Variants in ATP10D observed in about 807,000 individuals in gnomAD.
ATP10D encodes phospholipid-transporting ATPase VD.
A neutral mutation model predicts 144.8 loss-of-function variants in ATP10D; 89 were observed. That is an observed-to-expected ratio of 0.61 (90% CI 0.52 to 0.73). The LOEUF (loss-of-function observed/expected upper bound fraction) is 0.73. Ranked by LOEUF, ATP10D falls within the 30% of genes least tolerant of loss-of-function variation. ATP10D has a pLI of 0.00. For synonymous variants in ATP10D, 571 were observed against 615.1 expected, an observed-to-expected ratio of 0.93 and a Z score of 1.06; for missense variants, 1,603 against 1,714.8, an observed-to-expected ratio of 0.93 and a Z score of 1.15.
intron 22 of ATP10D, among the ~76,000 whole-genome samples, chr4:47,587,837 G>A (rs7692677): frequency 0.54 from 81,636 of 152,002 alleles, 23,063 homozygotes; most frequent in African/African-American, 0.7. Flanking sequence ...TGAGTTTTGG[G>A]GGGAATAAAC....
At position 47,522,980 on chromosome 4, in the gene ATP10D, C is replaced by CT. The variant is rs538424254; in HGVS notation, c.486-20dup. 5 of 1,380,648 alleles carry CT rather than the reference C, an allele frequency of 3.6e-6. No homozygotes were observed. In the African/African-American group the frequency reaches 4.4e-5, roughly 12 times the overall value. 85.5% of individuals were successfully genotyped at this position (1,380,648 alleles called of 1,614,324 possible). A position where few individuals can be genotyped will look rare whatever the true frequency, so the allele number is the denominator to read the frequency against. ...TTGTATGTATTTTTCACTTGATATT[C>CT]TTTTTTTTTTTTAACTTTTTTTTAA... On this transcript the variant is annotated intron_variant, in intron 3 of 22. Transcript: ENST00000273859.
intron 1 of ATP10D, among the ~76,000 whole-genome samples, chr4:47,502,819 A>C (rs1715780922): frequency 6.6e-6 from 1 of 152,104 alleles, no homozygotes; most frequent in Non-Finnish European, 1.5e-5. Flanking sequence ...GAAACAATGC[A>C]TCTAGATACC....
chr4:47,553,966 G>A (rs1718848501), intron 10 of ATP10D, among the ~76,000 whole-genome samples: 1 of 152,184 alleles, frequency 6.6e-6, no homozygotes, highest in Admixed American at 6.5e-5. Flanking sequence ...TGACTCAGCT[G>A]AAAAATTTCT....
intron 9 of ATP10D, among the ~76,000 whole-genome samples, chr4:47,541,320 A>T (rs1218991107): frequency 6.6e-6 from 1 of 152,226 alleles, no homozygotes; most frequent in East Asian, 1.9e-4. Context: ...AACATAAATT[A>T]TCATGTTCAT....
intron 5 of ATP10D, among the ~76,000 whole-genome samples, chr4:47,534,190 C>T (rs971564999): frequency 2.6e-5 from 4 of 152,088 alleles, no homozygotes; most frequent in Non-Finnish European, 5.9e-5. Context: ...TCCCCTCCAT[C>T]GTTCATTTTC....
Position 47,536,484 on chromosome 4 carries a change from G to A in ATP10D, c.1063G>A (p.Val355Ile), listed in dbSNP as rs368872869. The change falls in exon 8 of 23, where the codon GTT becomes ATT. Residue 355 changes from valine (V) to isoleucine (I), a missense_variant. Physicochemically the swap from Val to Ile is conservative, Grantham distance 29. Coordinates refer to ENST00000273859, the MANE Select transcript of ATP10D (RefSeq NM_020453.4). ...SRYEKMHFFN[V>I]PEPDGHIISP... Reference sequence around the variant, plus strand: ...GTATGAAAAGATGCATTTTTTCAATGTTCCCGAGCCTGATGGACATATCAT... The same window carrying A: ...GTATGAAAAGATGCATTTTTTCAATATTCCCGAGCCTGATGGACATATCAT... The A allele has an allele frequency of 3.7e-6, 6 of 1,613,364 alleles. No homozygotes were observed. The highest frequency in any genetic ancestry group is 3.3e-5 in the Admixed American group (2 of 59,968).
intron 1 of ATP10D, among the ~76,000 whole-genome samples, chr4:47,511,352 A>G (rs1219655185): frequency 6.6e-6 from 1 of 152,076 alleles, no homozygotes; most frequent in Non-Finnish European, 1.5e-5. Flanking sequence ...TTCTCTCATG[A>G]TAAGACGGGC....
chr4:47,490,689 G>A (rs1311202771), intron 1 of ATP10D, among the ~76,000 whole-genome samples: 1 of 152,234 alleles, frequency 6.6e-6, no homozygotes, highest in Non-Finnish European at 1.5e-5. Flanking sequence ...GGGTGGTATA[G>A]GGCAAGTGAA....
In ATP10D at chr4:47,554,824, A is replaced by G; in HGVS notation, c.1734A>G (p.Pro578=). The change falls in exon 11 of 23, where the codon CCA becomes CCG. Residue 578 remains proline (P), a synonymous_variant. Coordinates refer to ENST00000273859, the MANE Select transcript of ATP10D (RefSeq NM_020453.4). Reference sequence around the variant, plus strand: ...TAGATGAGACCATCCAAAATCCACCAATGGAAACTTTGTACATTATCGACT... The same window carrying G: ...TAGATGAGACCATCCAAAATCCACCGATGGAAACTTTGTACATTATCGACT... The part of the protein sequence containing the change: ...MPLDETIQNP[P]METLYIIDFF... The G allele has an allele frequency of 2.5e-6, 4 of 1,614,134 alleles. No individual in the cohort carries two copies. Among genetic ancestry groups the G allele is most frequent in the Non-Finnish European group, 3.4e-6 (4 of 1,179,998 alleles).
At chr4:47,577,003 G>T in intron 19 of ATP10D, 30 bp downstream of exon 19, 1 of 1,593,528 alleles carries the variant, frequency 6.3e-7, no homozygotes, top group Non-Finnish European at 8.6e-7. Flanking sequence ...TGCTTGGATG[G>T]ATGCATATCC....
rs567024825 is a variant in ATP10D at position 47,530,371 on chromosome 4, G to T, written c.776+4729G>T. On this transcript the variant is annotated intron_variant, in intron 5 of 22. Coordinates refer to ENST00000273859, the MANE Select transcript of ATP10D (RefSeq NM_020453.4). ...GGATTTTTATCATGAAAGGATATTG[G>T]TTTTTATCGAGTGTTTTTTCTACAT... Among the ~76,000 whole-genome samples the T allele has an allele frequency of 2.0e-5, 3 of 152,172 alleles. No homozygotes were observed. In the East Asian group the frequency reaches 5.8e-4, roughly 29 times the overall value.
intron 4 of ATP10D, among the ~76,000 whole-genome samples, chr4:47,525,010 A>T (rs367672598): frequency 1.3e-5 from 2 of 152,198 alleles, no homozygotes; most frequent in Non-Finnish European, 2.9e-5. Flanking sequence ...TAAAGGAGCT[A>T]TGTCCTACAA....
intron 5 of ATP10D, among the ~76,000 whole-genome samples, chr4:47,525,905 T>C (rs572477139): frequency 6.6e-6 from 1 of 152,346 alleles, no homozygotes; most frequent in African/African-American, 2.4e-5. Flanking sequence ...TTGGGGTCCT[T>C]ACCTAATTTC....
At chr4:47,509,495 G>T (rs1716199341) in intron 1 of ATP10D, among the ~76,000 whole-genome samples, 1 of 152,160 alleles carries the variant, frequency 6.6e-6, no homozygotes, top group South Asian at 2.1e-4. Flanking sequence ...TTGTGGAATG[G>T]CTAGCTCAAG....
intron 1 of ATP10D, chr4:47,491,614 C>T (rs1248050125): frequency 3.2e-6 from 1 of 311,868 alleles, no homozygotes; most frequent in Non-Finnish European, 6.0e-6. Flanking sequence ...TTGGTCCCAA[C>T]CTAGATTTTC....
chr4:47,509,532 T>G (rs1001135354), intron 1 of ATP10D, among the ~76,000 whole-genome samples: 3 of 152,238 alleles, frequency 2.0e-5, no homozygotes, highest in African/African-American at 4.8e-5. Context: ...TTACCTCACA[T>G]ACTTTTTATT....
intron 9 of ATP10D, among the ~76,000 whole-genome samples, chr4:47,540,677 A>G (rs1372051683): frequency 1.3e-5 from 2 of 152,142 alleles, no homozygotes; most frequent in African/African-American, 4.8e-5. Flanking sequence ...TATATTTGAG[A>G]TAAGTAATGA....
rs188403608 is a variant in ATP10D, at chr4:47,515,668, T to C, written c.483T>C (p.Ser161=). The C allele has an allele frequency of 6.3e-7, 1 of 1,584,802 alleles. No homozygotes were observed. The highest frequency in any genetic ancestry group is 8.7e-7 in the Non-Finnish European group (1 of 1,154,256). Residue 161 remains serine, a splice_region_variant and synonymous_variant, in exon 3 of 23, where the codon AGT becomes AGC. Coordinates refer to ENST00000273859, the MANE Select transcript of ATP10D (RefSeq NM_020453.4). ...QINNLITKVY[S]RKEKKYIDRC... ...ATAATTTAATAACTAAAGTTTATAG[T>C]AGGTAAGTGTAATGGGACCTTTGCT... is the stretch of plus-strand genomic sequence containing the variant.
intron 4 of ATP10D, among the ~76,000 whole-genome samples, chr4:47,523,861 T>C (rs1410428858): frequency 6.6e-6 from 1 of 152,238 alleles, no homozygotes; most frequent in Non-Finnish European, 1.5e-5. Context: ...ATATAGTGTC[T>C]AAATAGTTTC....
Sources: allele counts gnomAD v4.1 joint callset (sites outside exome capture counted in the v4.1 genomes callset), GRCh38; gene constraint gnomAD v4.1.1; transcripts MANE v1.5; gene names NCBI Gene and HGNC (gene_info 2026-07-23, HGNC 2026-07-21).